ALCAM: variants seen among roughly 807,000 people sequenced by gnomAD.
ALCAM encodes the protein CD166 antigen.
In ALCAM, 30 loss-of-function variants were observed where a neutral mutation model predicts 70.9. That is an observed-to-expected ratio of 0.42 (90% CI 0.32 to 0.57). ALCAM has a LOEUF of 0.57. ALCAM is among the 20% of genes least tolerant of loss of function. The pLI is 0.11. For synonymous variants in ALCAM, 249 were observed against 242.5 expected, an observed-to-expected ratio of 1.03 and a Z score of -0.25; for missense variants, 591 against 695.1, an observed-to-expected ratio of 0.85 and a Z score of 1.68.
intron 14 of ALCAM, among the ~76,000 whole-genome samples, chr3:105,559,765 G>A (rs1007064233): frequency 6.6e-6 from 1 of 152,078 alleles, no homozygotes; most frequent in Non-Finnish European, 1.5e-5. Flanking sequence ...TAATTGTTAT[G>A]ACCAGAGATT....
At chr3:105,473,372 A>C (rs577971152) in intron 1 of ALCAM, among the ~76,000 whole-genome samples, 1 of 151,380 alleles carries the variant, frequency 6.6e-6, no homozygotes, top group Non-Finnish European at 1.5e-5. Flanking sequence ...TTAACATCCA[A>C]CTCCCTTCTA....
At chr3:105,429,018 A>G (rs1482840822) in intron 1 of ALCAM, among the ~76,000 whole-genome samples, 1 of 152,006 alleles carries the variant, frequency 6.6e-6, no homozygotes, top group Non-Finnish European at 1.5e-5. Flanking sequence ...AATGTGATTC[A>G]TTATAAAACC....
intron 1 of ALCAM, among the ~76,000 whole-genome samples, chr3:105,430,867 A>G (rs991771600): frequency 1.3e-5 from 2 of 152,040 alleles, no homozygotes; most frequent in Non-Finnish European, 2.9e-5. Flanking sequence ...ATCAGTATGG[A>G]CTCATGAATA....
chr3:105,546,771 A>T (rs2152630563), intron 9 of ALCAM, among the ~76,000 whole-genome samples: 1 of 151,552 alleles, frequency 6.6e-6, no homozygotes, highest in African/African-American at 2.4e-5. Flanking sequence ...ATGGACAAAG[A>T]CCACATAATC....
chr3:105,451,623 C>T (rs1280802470), intron 1 of ALCAM, among the ~76,000 whole-genome samples: 1 of 152,058 alleles, frequency 6.6e-6, no homozygotes, highest in Non-Finnish European at 1.5e-5. Context: ...TAAAGAGAGT[C>T]AATAAATAAT....
chr3:105,514,386 G>A (rs1939325613), intron 1 of ALCAM, among the ~76,000 whole-genome samples: 1 of 151,856 alleles, frequency 6.6e-6, no homozygotes, highest in African/African-American at 2.4e-5. Context: ...TAAACTAATT[G>A]GGAGAAACTG....
intron 8 of ALCAM, among the ~76,000 whole-genome samples, chr3:105,542,162 A>T (rs1397270869): frequency 6.6e-6 from 1 of 151,850 alleles, no homozygotes; most frequent in Non-Finnish European, 1.5e-5. Context: ...TAAATTTAAC[A>T]CCCAAACTCA....
chr3:105,545,407 T>A, intron 9 of ALCAM, 72 bp downstream of exon 9: 1 of 1,022,076 alleles, frequency 9.8e-7, no homozygotes, highest in Non-Finnish European at 1.5e-6. Context: ...CACTTTATAT[T>A]GTATTCAAGT....
intron 14 of ALCAM, among the ~76,000 whole-genome samples, chr3:105,558,292 C>G (rs1940560807): frequency 6.6e-6 from 1 of 152,130 alleles, no homozygotes. Flanking sequence ...AGAGAATTTT[C>G]AATTTGTTAT....
At chr3:105,477,839 T>G (rs1322330572) in intron 1 of ALCAM, among the ~76,000 whole-genome samples, 2 of 152,082 alleles carry the variant, frequency 1.3e-5, no homozygotes, top group African/African-American at 4.8e-5. Flanking sequence ...TCAGTCATTT[T>G]ATTCTGCTAT....
chr3:105,412,390 G>T (rs1936412537), intron 1 of ALCAM, among the ~76,000 whole-genome samples: 2 of 152,158 alleles, frequency 1.3e-5, no homozygotes, highest in South Asian at 4.1e-4. Flanking sequence ...TAATTAATTT[G>T]AAATGCAGTA....
chr3:105,494,399 G>GT (rs1938678818), intron 1 of ALCAM, among the ~76,000 whole-genome samples: 1 of 151,972 alleles, frequency 6.6e-6, no homozygotes, highest in South Asian at 2.1e-4. Context: ...TGAATCTTTT[G>GT]TTTTATAAAG....
At chr3:105,475,689 T>A (rs1345934470) in intron 1 of ALCAM, among the ~76,000 whole-genome samples, 4 of 151,974 alleles carry the variant, frequency 2.6e-5, no homozygotes, top group African/African-American at 9.7e-5. Context: ...GGAAAAACAC[T>A]TTTTTAATGT....
chr3:105,446,528 T>C (rs1176281182), intron 1 of ALCAM, among the ~76,000 whole-genome samples: 1 of 152,078 alleles, frequency 6.6e-6, no homozygotes, highest in African/African-American at 2.4e-5. Context: ...CTCATGTTTA[T>C]TGAAGCTCTA....
chr3:105,508,231 C>G (rs75600975), intron 1 of ALCAM, among the ~76,000 whole-genome samples: 3,191 of 152,034 alleles, frequency 0.021, 108 homozygotes, highest in African/African-American at 0.073. Context: ...TAATACTTTC[C>G]AAAACAATAT....
At chr3:105,488,932 C>A (rs1938506800) in intron 1 of ALCAM, among the ~76,000 whole-genome samples, 1 of 152,112 alleles carries the variant, frequency 6.6e-6, no homozygotes, top group Non-Finnish European at 1.5e-5. Flanking sequence ...GATTTAGGAA[C>A]TTATGATTCA....
Position 105,382,013 on chromosome 3 carries a change from T to C in ALCAM, c.73+14532T>C, listed in dbSNP as rs989808923. On this transcript the variant is annotated intron_variant, in intron 1 of 15. Coordinates refer to ENST00000306107, the MANE Select transcript of ALCAM (RefSeq NM_001627.4). The stretch of plus-strand genomic sequence containing the variant: ...TGCAGGTTAGTTACATATGCATACA[T>C]GTGCCATGCTGGTGTGCTGCACCCA... Among the ~76,000 whole-genome samples, 4 of 151,834 alleles carry C rather than the reference T, an allele frequency of 2.6e-5. No homozygotes were observed. In the East Asian group the frequency reaches 5.8e-4, roughly 22 times the overall value.
At chr3:105,504,856 C>T (rs1316294873) in intron 1 of ALCAM, among the ~76,000 whole-genome samples, 2 of 152,180 alleles carry the variant, frequency 1.3e-5, no homozygotes, top group African/African-American at 2.4e-5. Context: ...GGGACCACGT[C>T]CCCCTCTACC....
intron 1 of ALCAM, among the ~76,000 whole-genome samples, chr3:105,424,003 T>C (rs775417467): frequency 2.6e-5 from 4 of 151,596 alleles, no homozygotes; most frequent in Non-Finnish European, 4.4e-5. Context: ...TTCACTAACA[T>C]TTTTGGTACA....
Sources: allele counts gnomAD v4.1 joint callset (sites outside exome capture counted in the v4.1 genomes callset), GRCh38; gene constraint gnomAD v4.1.1; transcripts MANE v1.5; gene names NCBI Gene and HGNC (gene_info 2026-07-23, HGNC 2026-07-21).